ANKRD2: variants seen among roughly 807,000 people sequenced by gnomAD.
The protein encoded by ANKRD2 is ankyrin repeat domain 2, also known as ankyrin repeat domain-containing protein 2.
A neutral mutation model predicts 37.3 loss-of-function variants in ANKRD2; 35 were observed. The ratio of observed to expected loss-of-function variants is 0.94; its 90% CI spans 0.72 to 1.24. ANKRD2 has a LOEUF of 1.24. Ranked by LOEUF, ANKRD2 falls within the 50% of genes most tolerant of loss-of-function variation. The pLI is 0.00. For synonymous variants in ANKRD2, 159 were observed against 186.5 expected, an observed-to-expected ratio of 0.85 and a Z score of 1.20; for missense variants, 410 against 445.6, an observed-to-expected ratio of 0.92 and a Z score of 0.72.
chr10:97,578,151 C>G, intron 2 of ANKRD2, 89 bp from the exon 3 acceptor site: 1 of 959,996 alleles, frequency 1.0e-6, no homozygotes, highest in Non-Finnish European at 1.5e-6. Flanking sequence ...CCTGCCCACC[C>G]CACCCTCCCC....
chr10:97,578,102 AG>A, intron 2 of ANKRD2, 137 bp from the exon 3 acceptor site: 1 of 1,185,512 alleles, frequency 8.4e-7, no homozygotes, highest in Non-Finnish European at 1.2e-6. Context: ...GCCTGGAAGG[AG>A]GGATAGACCT....
Position 97,578,503 on chromosome 10 carries a change from C to T in ANKRD2, c.354C>T (p.Gly118=), listed in dbSNP as rs1187142789. ...EPPPEPEEIT[G]PVDEETFLKA... ...TGCTGCGTCCACATCTGCAGACTGGCCCTGTGGATGAGGAGACCTTCCTGA... is the reference window on the plus strand; with the variant it reads ...TGCTGCGTCCACATCTGCAGACTGGTCCTGTGGATGAGGAGACCTTCCTGA... The change falls in exon 4 of 9, where the codon GGC becomes GGT. Residue 118 remains glycine, a synonymous_variant. Transcript: ENST00000370655. The T allele has an allele frequency of 4.4e-6, 7 of 1,585,462 alleles. No individual in the cohort carries two copies. The highest frequency in any genetic ancestry group is 1.8e-5 in the Admixed American group (1 of 54,666).
rs770685400 is a variant in ANKRD2, at chr10:97,577,785, T to G, written c.88-15T>G. The G allele has an allele frequency of 7.1e-6, 11 of 1,547,238 alleles. No homozygotes were observed. Among genetic ancestry groups the G allele is most frequent in the Admixed American group, 3.9e-5 (2 of 50,644 alleles). Reference sequence around the variant, plus strand: ...TCCTCGGGTCCTGGAGAAGGTGCCCTCTTTGGATCACCAGAAACTCCGAGG... The same window carrying G: ...TCCTCGGGTCCTGGAGAAGGTGCCCGCTTTGGATCACCAGAAACTCCGAGG... On this transcript the variant is annotated splice_polypyrimidine_tract_variant and intron_variant, in intron 1 of 8. Coordinates refer to ENST00000370655, the MANE Select transcript of ANKRD2 (RefSeq NM_001346793.2).
intron 4 of ANKRD2, among the ~76,000 whole-genome samples, chr10:97,579,893 G>T (rs186961617): frequency 6.6e-6 from 1 of 152,104 alleles, no homozygotes; most frequent in East Asian, 1.9e-4. Flanking sequence ...CACCGTGTCC[G>T]GCCCCTTACA....
chr10:97,579,842 C>T (rs990351670), intron 4 of ANKRD2, among the ~76,000 whole-genome samples: 1 of 152,154 alleles, frequency 6.6e-6, no homozygotes, highest in African/African-American at 2.4e-5. Context: ...GGTGATCCAC[C>T]CACCTCGGCC....
chr10:97,574,752 G>A (rs1456332439), intron 1 of ANKRD2, among the ~76,000 whole-genome samples: 1 of 152,170 alleles, frequency 6.6e-6, no homozygotes, highest in Non-Finnish European at 1.5e-5. Context: ...GATGAGGTCA[G>A]GAAAGAGCTT....
At chr10:97,579,697 C>T (rs1403680078) in intron 4 of ANKRD2, among the ~76,000 whole-genome samples, 4 of 152,028 alleles carry the variant, frequency 2.6e-5, no homozygotes, top group Admixed American at 2.0e-4. Flanking sequence ...AAGTGATTCT[C>T]CTGCCTCAGC....
intron 1 of ANKRD2, among the ~76,000 whole-genome samples, chr10:97,575,754 A>G (rs1002281238): frequency 1.3e-4 from 20 of 152,286 alleles, no homozygotes; most frequent in Admixed American, 1.2e-3. Flanking sequence ...ACTAAAATAC[A>G]AAAATAATTA....
Position 97,578,252 on chromosome 10 carries a change from G to A in ANKRD2, c.202G>A (p.Val68Met), listed in dbSNP as rs774638046. 3 of 1,607,848 alleles carry A rather than the reference G, an allele frequency of 1.9e-6. No homozygotes were observed. The highest frequency in any genetic ancestry group is 2.3e-5 in the East Asian group (1 of 44,438). ...ALQKVKGQER[V>M]RKTSLDLRRE... ...CCATCCCGCGCAGGGCCAAGAGCGC[G>A]TGCGCAAGACGTCCCTGGACCTGCG... The change falls in exon 3 of 9, where the codon GTG (valine) becomes ATG (methionine). Residue 68 changes from valine (V) to methionine (M), a missense_variant. Transcript: ENST00000370655.
chr10:97,572,593 A>C (rs2040771047), upstream of ANKRD2: 1 of 1,303,240 alleles, frequency 7.7e-7, no homozygotes, highest in South Asian at 1.5e-5. Flanking sequence ...ATAGGCCAGG[A>C]GTTGGGGGGG....
At chr10:97,572,934 G>C in intron 1 of ANKRD2, 59 bp downstream of exon 1, 1 of 1,519,238 alleles carries the variant, frequency 6.6e-7, no homozygotes, top group Non-Finnish European at 8.9e-7. Context: ...CTGCTGTCAA[G>C]GGGAGGGAGA....
At chr10:97,578,144 G>GGGCCCCCC in intron 2 of ANKRD2, 96 bp from the exon 3 acceptor site, 1 of 685,442 alleles carries the variant, frequency 1.5e-6, no homozygotes. Flanking sequence ...GGGTCTTCCT[G>GGGCCCCCC]CCCACCCCAC....
chr10:97,582,344 C>A lies in ANKRD2; in HGVS notation c.684C>A (p.Val228=). 1 of 1,559,468 alleles carries A rather than the reference C, an allele frequency of 6.4e-7. No homozygotes were observed. The highest frequency in any genetic ancestry group is 8.7e-7 in the Non-Finnish European group (1 of 1,151,028). ...KLLSTPLHVA[V]RTGQVEIVEH... is the part of the protein sequence containing the mutation. ...TGAGCACCCCGCTGCACGTGGCAGT[C>A]CGGACAGGGCAGGTGGAGATTGTGG... The change falls in exon 7 of 9, where the codon GTC becomes GTA. Residue 228 remains valine, a synonymous_variant. Coordinates refer to ENST00000370655, the MANE Select transcript of ANKRD2 (RefSeq NM_001346793.2).
At chr10:97,576,360 A>G (rs985541346) in intron 1 of ANKRD2, among the ~76,000 whole-genome samples, 6 of 152,218 alleles carry the variant, frequency 3.9e-5, no homozygotes, top group Admixed American at 1.3e-4. Context: ...CAGTCCAGGA[A>G]AATCAGAGGG....
Position 97,583,586 on chromosome 10 carries a change from C to A in ANKRD2, c.863C>A (p.Thr288Asn), listed in dbSNP as rs766115665. The A allele has an allele frequency of 5.6e-6, 9 of 1,603,090 alleles. No homozygotes were observed. The South Asian group carries it at 1.0e-4, about 18-fold the overall frequency. The change falls in exon 9 of 9, where the codon ACC (threonine) becomes AAC (asparagine). Residue 288 changes from threonine to asparagine, a missense_variant. Thr to Asn is a moderately conservative substitution (Grantham distance 65). Transcript: ENST00000370655. ...TCCCGCCCCCTCCAGGCAGGAAAGA[C>A]CCCGACGGACCTGGTGCAGCTCTGG... ...DMMTKNLAGK[T>N]PTDLVQLWQA...
rs770895363 is a variant in ANKRD2 at position 97,578,583 on chromosome 10, G to A, written c.434G>A (p.Gly145Glu). 75 of 1,560,280 alleles carry A rather than the reference G, an allele frequency of 4.8e-5. No individual in the cohort carries two copies. Among genetic ancestry groups the A allele is most frequent in the Non-Finnish European group, 5.8e-5 (67 of 1,151,920 alleles). The change falls in exon 4 of 9, where the codon GGG becomes GAG. Residue 145 changes from glycine (G) to glutamate (E), a missense_variant. Transcript: ENST00000370655. The part of the protein sequence containing the change: ...KVIEKFLADG[G>E]SADTCDQFRR... ...ATTGAGAAGTTCCTGGCTGACGGGGGGTCAGCCGACACGTGCGACCAGGTG... is the reference window on the plus strand; with the variant it reads ...ATTGAGAAGTTCCTGGCTGACGGGGAGTCAGCCGACACGTGCGACCAGGTG...
In ANKRD2 at chr10:97,576,599, A is replaced by G. The variant is rs1414913976; in HGVS notation, c.88-1201A>G. 2.0e-5 allele frequency among the ~76,000 whole-genome samples: 3 copies of G among 152,320 alleles called. 1 individual carries two copies. Among genetic ancestry groups the G allele is most frequent in the East Asian group, 1.9e-4 (1 of 5,194 alleles). On this transcript the variant is annotated intron_variant, in intron 1 of 8. Coordinates refer to ENST00000370655, the MANE Select transcript of ANKRD2 (RefSeq NM_001346793.2). Reference sequence around the variant, plus strand: ...CCAAATTTTATATTGCTGAGTAAGAACATTTAAGAAGTAATCATCTCTCAT... The same window carrying G: ...CCAAATTTTATATTGCTGAGTAAGAGCATTTAAGAAGTAATCATCTCTCAT...
At chr10:97,575,436 C>T (rs1564748805) in intron 1 of ANKRD2, among the ~76,000 whole-genome samples, 1 of 152,182 alleles carries the variant, frequency 6.6e-6, no homozygotes, top group Non-Finnish European at 1.5e-5. Flanking sequence ...ATTCACCAGT[C>T]ACTAAGCACC....
intron 1 of ANKRD2, among the ~76,000 whole-genome samples, chr10:97,574,362 G>C (rs1346143766): frequency 6.6e-6 from 1 of 152,172 alleles, no homozygotes; most frequent in Non-Finnish European, 1.5e-5. Flanking sequence ...TGGAGTCCAG[G>C]ATGGTGGAGG....
Sources: allele counts gnomAD v4.1 joint callset (sites outside exome capture counted in the v4.1 genomes callset), GRCh38; gene constraint gnomAD v4.1.1; transcripts MANE v1.5; gene names NCBI Gene and HGNC (gene_info 2026-07-23, HGNC 2026-07-21).